JAZF1: variants seen among roughly 807,000 people sequenced by gnomAD.
JAZF1 encodes JAZF zinc finger 1, also known as juxtaposed with another zinc finger protein 1.
In JAZF1, 8 loss-of-function variants were observed where a neutral mutation model predicts 26.4. That is an observed-to-expected ratio of 0.30 (90% confidence interval 0.18 to 0.55). The LOEUF is 0.55. JAZF1 is among the 20% of genes least tolerant of loss of function. JAZF1 has a pLI of 0.94. For synonymous variants in JAZF1, 126 were observed against 122.3 expected, an observed-to-expected ratio of 1.03 and a Z score of -0.20; for missense variants, 199 against 322.0, an observed-to-expected ratio of 0.62 and a Z score of 2.92.
chr7:28,092,340 A>C (rs1037477751), intron 1 of JAZF1, among the ~76,000 whole-genome samples: 3 of 140,214 alleles, frequency 2.1e-5, no homozygotes, highest in African/African-American at 7.8e-5. Flanking sequence ...CTAATGTCAA[A>C]GTAGAGGAAG....
chr7:27,935,968 T>G (rs1248343571), intron 2 of JAZF1, among the ~76,000 whole-genome samples: 1 of 152,082 alleles, frequency 6.6e-6, no homozygotes, highest in African/African-American at 2.4e-5. Context: ...AGTGCCCCAG[T>G]GAAGAGGGTG....
chr7:27,847,101 T>C (rs1384788282), intron 3 of JAZF1, among the ~76,000 whole-genome samples: 1 of 152,018 alleles, frequency 6.6e-6, no homozygotes, highest in Non-Finnish European at 1.5e-5. Flanking sequence ...GTAGCTGGGA[T>C]TATAGGCATG....
intron 1 of JAZF1, among the ~76,000 whole-genome samples, chr7:28,024,672 G>A (rs1783063235): frequency 1.3e-5 from 2 of 152,208 alleles, no homozygotes; most frequent in Admixed American, 1.3e-4. Flanking sequence ...GCAGTGTAGA[G>A]AATGCTTTGG....
At chr7:27,982,665 C>T (rs911089401) in intron 2 of JAZF1, among the ~76,000 whole-genome samples, 2 of 152,176 alleles carry the variant, frequency 1.3e-5, no homozygotes, top group East Asian at 3.9e-4. Context: ...AAATGGGTCC[C>T]TGACCCCCGA....
chr7:27,898,977 A>C lies in JAZF1; in HGVS notation c.189-3561T>G, dbSNP rs566704887. Among the ~76,000 whole-genome samples the C allele has an allele frequency of 7.2e-5, 11 of 152,170 alleles. No individual in the cohort carries two copies. The East Asian group carries it at 1.5e-3, about 21-fold the overall frequency. On this transcript the variant is annotated intron_variant, in intron 2 of 4. Coordinates refer to ENST00000283928, the MANE Select transcript of JAZF1 (RefSeq NM_175061.4). ...CACACCCACACCACCCGCCCCCACAAACACACACAGGAATGCCACACAAAC... is the reference window on the plus strand; with the variant it reads ...CACACCCACACCACCCGCCCCCACACACACACACAGGAATGCCACACAAAC...
intron 2 of JAZF1, among the ~76,000 whole-genome samples, chr7:27,934,972 C>T (rs1391936581): frequency 6.6e-6 from 1 of 151,984 alleles, no homozygotes; most frequent in African/African-American, 2.4e-5. Context: ...AACTTGTATC[C>T]AGAATATAAA....
At chr7:28,137,437 C>T (rs1041783283) in intron 1 of JAZF1, among the ~76,000 whole-genome samples, 1 of 152,126 alleles carries the variant, frequency 6.6e-6, no homozygotes, top group African/African-American at 2.4e-5. Context: ...CACAACCCTG[C>T]GGCATTCCAA....
At chr7:28,015,472 T>A (rs1782875147) in intron 1 of JAZF1, among the ~76,000 whole-genome samples, 1 of 152,066 alleles carries the variant, frequency 6.6e-6, no homozygotes, top group Non-Finnish European at 1.5e-5. Context: ...AGAACTGTAC[T>A]ATCTTTGTGA....
intron 1 of JAZF1, among the ~76,000 whole-genome samples, chr7:28,064,063 T>C (rs912536255): frequency 4.3e-4 from 66 of 152,126 alleles, no homozygotes; most frequent in African/African-American, 1.6e-3. Context: ...CTAACAGTGA[T>C]AGGTAACTGC....
At chr7:27,855,883 T>TA (rs1396016950) in intron 3 of JAZF1, among the ~76,000 whole-genome samples, 1 of 152,160 alleles carries the variant, frequency 6.6e-6, no homozygotes, top group African/African-American at 2.4e-5. Flanking sequence ...ATCATCCTGA[T>TA]ACCAAAAACC....
chr7:28,034,995 C>T (rs1313893169), intron 1 of JAZF1, among the ~76,000 whole-genome samples: 2 of 151,996 alleles, frequency 1.3e-5, no homozygotes, highest in Non-Finnish European at 2.9e-5. Context: ...GAGCCGTTAC[C>T]GTCCTCAAAT....
At chr7:28,046,948 C>A (rs1196934297) in intron 1 of JAZF1, among the ~76,000 whole-genome samples, 1 of 152,068 alleles carries the variant, frequency 6.6e-6, no homozygotes, top group Non-Finnish European at 1.5e-5. Context: ...TTTATGGTCT[C>A]TTTCACCATA....
intron 1 of JAZF1, among the ~76,000 whole-genome samples, chr7:28,161,210 C>T (rs1783281006): frequency 6.9e-6 from 1 of 144,376 alleles, no homozygotes; most frequent in South Asian, 2.2e-4. Context: ...ATCATTATAA[C>T]CAGCCTTTTG....
chr7:28,045,004 A>G (rs1783470622), intron 1 of JAZF1, among the ~76,000 whole-genome samples: 1 of 152,196 alleles, frequency 6.6e-6, no homozygotes. Context: ...ACCAGGGGTC[A>G]CCATCCTCTT....
At chr7:28,069,490 C>T (rs189299132) in intron 1 of JAZF1, among the ~76,000 whole-genome samples, 1 of 152,266 alleles carries the variant, frequency 6.6e-6, no homozygotes, top group Admixed American at 6.5e-5. Flanking sequence ...TCCCTGCCTG[C>T]TCCCTAGCAT....
chr7:28,037,173 T>C (rs1554283504), intron 1 of JAZF1, among the ~76,000 whole-genome samples: 1 of 152,166 alleles, frequency 6.6e-6, no homozygotes, highest in Non-Finnish European at 1.5e-5. Context: ...CAAGACTAGA[T>C]GTACTCAAAC....
intron 1 of JAZF1, among the ~76,000 whole-genome samples, chr7:28,160,985 A>C (rs1783275871): frequency 6.6e-6 from 1 of 152,132 alleles, no homozygotes; most frequent in Admixed American, 6.5e-5. Context: ...CTGCATTAGA[A>C]TGTAGCTGTG....
At chr7:27,986,514 A>G (rs1785709265) in intron 2 of JAZF1, among the ~76,000 whole-genome samples, 1 of 152,236 alleles carries the variant, frequency 6.6e-6, no homozygotes, top group African/African-American at 2.4e-5. Context: ...GGAAGAATCA[A>G]TATTGTGAAA....
chr7:27,863,523 C>T (rs1446180095), intron 3 of JAZF1, among the ~76,000 whole-genome samples: 1 of 152,226 alleles, frequency 6.6e-6, no homozygotes. Flanking sequence ...ACCTCCGTAC[C>T]TGGGTATCTC....
Sources: gnomAD v4.1 joint callset for allele counts (sites outside exome capture counted in the v4.1 genomes callset) on GRCh38, gnomAD v4.1.1 for gene constraint, MANE v1.5 for transcripts, NCBI Gene and HGNC (gene_info 2026-07-23, HGNC 2026-07-21) for gene names.